LMX1A: variants seen among roughly 807,000 people sequenced by gnomAD.
LMX1A encodes LIM homeobox transcription factor 1 alpha, also known as LIM homeobox transcription factor 1-alpha.
In LMX1A, 15 loss-of-function variants were observed where a neutral mutation model predicts 49.1. The observed-to-expected ratio is 0.31, with a 90% CI of 0.20 to 0.47. The LOEUF is 0.47. Among genes scored for constraint, LMX1A ranks in the 20% least tolerant of loss-of-function variants. The pLI, the probability that LMX1A is intolerant of heterozygous loss-of-function variation, is 1.00. For synonymous variants in LMX1A, 167 were observed against 185.7 expected (o/e 0.90, Z 0.82); for missense variants, 372 against 475.8 (o/e 0.78, Z 2.03).
At chr1:165,239,434 T>C (rs1327917341) in intron 4 of LMX1A, among the ~76,000 whole-genome samples, 2 of 152,256 alleles carry the variant, frequency 1.3e-5, no homozygotes, top group African/African-American at 4.8e-5. Flanking sequence ...TAAGTTCTTA[T>C]TCTGGCTTAT....
At chr1:165,333,266 T>C (rs1655802577) in intron 3 of LMX1A, among the ~76,000 whole-genome samples, 2 of 152,220 alleles carry the variant, frequency 1.3e-5, no homozygotes, top group Admixed American at 6.5e-5. Flanking sequence ...CAAGAGATTC[T>C]CCTGCCTCGG....
chr1:165,233,583 A>G (rs150708335), intron 4 of LMX1A, among the ~76,000 whole-genome samples: 1 of 152,356 alleles, frequency 6.6e-6, no homozygotes, highest in African/African-American at 2.4e-5. Flanking sequence ...CTACAGTCAC[A>G]TGGTCCAAAA....
intron 4 of LMX1A, among the ~76,000 whole-genome samples, chr1:165,235,651 G>T (rs905173047): frequency 2.6e-5 from 4 of 152,188 alleles, no homozygotes; most frequent in South Asian, 4.1e-4. Flanking sequence ...GACCCGGGAC[G>T]ACCTCGCCGC....
intron 4 of LMX1A, among the ~76,000 whole-genome samples, chr1:165,228,841 G>T (rs771746111): frequency 6.6e-6 from 1 of 152,132 alleles, no homozygotes; most frequent in African/African-American, 2.4e-5. Flanking sequence ...GGCCAGAAAT[G>T]ACTTTAAAGG....
intron 3 of LMX1A, among the ~76,000 whole-genome samples, chr1:165,337,170 T>C (rs1239667226): frequency 2.0e-5 from 3 of 152,234 alleles, no homozygotes; most frequent in African/African-American, 4.8e-5. Context: ...TAAGTATTAG[T>C]AGACAAAATA....
At chr1:165,303,458 G>C (rs141796518) in intron 3 of LMX1A, among the ~76,000 whole-genome samples, 1 of 152,154 alleles carries the variant, frequency 6.6e-6, no homozygotes, top group Admixed American at 6.5e-5. Context: ...ATTGATCCTC[G>C]TCAAAATTTA....
At chr1:165,278,685 T>A (rs1163548559) in intron 3 of LMX1A, among the ~76,000 whole-genome samples, 1 of 152,164 alleles carries the variant, frequency 6.6e-6, no homozygotes, top group Non-Finnish European at 1.5e-5. Context: ...GTGGCAGTTG[T>A]ATAGGAGATG....
At chr1:165,264,390 TACAG>T (rs1653549264) in intron 3 of LMX1A, among the ~76,000 whole-genome samples, 1 of 151,908 alleles carries the variant, frequency 6.6e-6, no homozygotes, top group Non-Finnish European at 1.5e-5. Context: ...TAGTTATGTG[TACAG>T]ACATGCATAA....
chr1:165,322,823 A>G (rs1480906813), intron 3 of LMX1A, among the ~76,000 whole-genome samples: 2 of 152,170 alleles, frequency 1.3e-5, no homozygotes, highest in East Asian at 1.9e-4. Flanking sequence ...ATCTCAATAA[A>G]CAGAAAAAAA....
chr1:165,262,617 T>C (rs1434306473), intron 3 of LMX1A, among the ~76,000 whole-genome samples: 1 of 152,192 alleles, frequency 6.6e-6, no homozygotes, highest in Non-Finnish European at 1.5e-5. Context: ...TGTCCTACAC[T>C]CCTATCAAGG....
At chr1:165,283,367 T>A (rs1654208780) in intron 3 of LMX1A, among the ~76,000 whole-genome samples, 2 of 152,122 alleles carry the variant, frequency 1.3e-5, no homozygotes, top group South Asian at 2.1e-4. Flanking sequence ...TAACAACAGA[T>A]CTCTCAGAAT....
At chr1:165,310,387 G>A (rs986640115) in intron 3 of LMX1A, among the ~76,000 whole-genome samples, 1 of 152,126 alleles carries the variant, frequency 6.6e-6, no homozygotes, top group Non-Finnish European at 1.5e-5. Flanking sequence ...CACCTTCTTT[G>A]TCTGTTTTCT....
intron 3 of LMX1A, among the ~76,000 whole-genome samples, chr1:165,281,931 T>C (rs1390532309): frequency 6.6e-6 from 1 of 152,214 alleles, no homozygotes; most frequent in African/African-American, 2.4e-5. Context: ...GATAAATCAA[T>C]TTCTCACTTA....
At chr1:165,319,596 T>C (rs1276554451) in intron 3 of LMX1A, among the ~76,000 whole-genome samples, 1 of 152,128 alleles carries the variant, frequency 6.6e-6, no homozygotes, top group Non-Finnish European at 1.5e-5. Flanking sequence ...TGACTTAAGT[T>C]CGATAATATT....
intron 4 of LMX1A, among the ~76,000 whole-genome samples, chr1:165,214,028 C>G (rs1426596158): frequency 1.3e-5 from 2 of 152,198 alleles, no homozygotes; most frequent in Non-Finnish European, 2.9e-5. Context: ...CACCATTACA[C>G]TTCAGGCTTT....
intron 3 of LMX1A, among the ~76,000 whole-genome samples, chr1:165,257,283 T>C (rs1050042083): frequency 1.3e-5 from 2 of 152,034 alleles, no homozygotes; most frequent in South Asian, 2.1e-4. Flanking sequence ...CTCTCTCACA[T>C]GCTCTCTAGC....
chr1:165,330,091 A>C (rs1030637003), intron 3 of LMX1A, among the ~76,000 whole-genome samples: 3 of 152,250 alleles, frequency 2.0e-5, no homozygotes, highest in African/African-American at 7.2e-5. Flanking sequence ...CTTCCCAGCA[A>C]TATCGTAAGG....
intron 3 of LMX1A, among the ~76,000 whole-genome samples, chr1:165,338,910 T>C (rs535261487): frequency 2.2e-4 from 34 of 152,302 alleles, no homozygotes; most frequent in South Asian, 2.1e-4. Flanking sequence ...GCCCTAGACC[T>C]AGGGAAGTAT....
chr1:165,264,992 A>G (rs1571188955), intron 3 of LMX1A, among the ~76,000 whole-genome samples: 1 of 152,072 alleles, frequency 6.6e-6, no homozygotes, highest in African/African-American at 2.4e-5. Context: ...TCACGAGGCC[A>G]GGAGATCAAG....
Sources: gnomAD v4.1 joint callset for allele counts (sites outside exome capture counted in the v4.1 genomes callset) on GRCh38, gnomAD v4.1.1 for gene constraint, MANE v1.5 for transcripts, NCBI Gene and HGNC (gene_info 2026-07-23, HGNC 2026-07-21) for gene names.